PIWIL1: variants seen among roughly 807,000 people sequenced by gnomAD.
PIWIL1 encodes piwi-like protein 1.
PIWIL1 carries 73 observed loss-of-function variants against 114.4 expected under a neutral mutation model. The ratio of observed to expected loss-of-function variants is 0.64; its 90% CI spans 0.53 to 0.78. PIWIL1 has a LOEUF of 0.78. Among genes scored for constraint, PIWIL1 ranks in the 30% least tolerant of loss-of-function variants. The probability of loss-of-function intolerance (pLI) is 0.00; values close to 1 mark genes in which losing one functional copy is unlikely to be tolerated. For missense variants in PIWIL1, 723 were observed against 1,063.1 expected (o/e 0.68, Z 4.45); for synonymous variants, 375 against 369.0 (o/e 1.02, Z -0.19).
In PIWIL1 at chr12:130,343,012, A is replaced by G. The variant is rs767074367; in HGVS notation, c.101A>G (p.Gln34Arg). 1 of 1,614,114 alleles carries G rather than the reference A, an allele frequency of 6.2e-7. No individual in the cohort carries two copies. Among genetic ancestry groups the G allele is most frequent in the Non-Finnish European group, 8.5e-7 (1 of 1,179,940 alleles). ...STASQQPGYI[Q>R]PRPQPPPAEG... is the part of the protein sequence containing the mutation. ...CAGAGTCAGCAACCTGGTTATATTCAGCCTAGGCCTCAGCCGCCACCAGCA... is the reference window on the plus strand; with the variant it reads ...CAGAGTCAGCAACCTGGTTATATTCGGCCTAGGCCTCAGCCGCCACCAGCA... Residue 34 changes from glutamine (Q) to arginine (R), a missense_variant, in exon 3 of 21, where the codon CAG becomes CGG. By Grantham distance (43) the Gln-to-Arg change is conservative. Transcript: ENST00000245255.
At chr12:130,423,424 A>G in the PIWIL1 span, among the ~76,000 whole-genome samples, 1 of 152,218 alleles carries the variant, frequency 6.6e-6, no homozygotes, top group Non-Finnish European at 1.5e-5. Context: ...CGCCATGTGG[A>G]TGGCTCACCT....
chr12:130,419,278 C>A, the PIWIL1 span, among the ~76,000 whole-genome samples: 1 of 152,146 alleles, frequency 6.6e-6, no homozygotes, highest in African/African-American at 2.4e-5. This position sits in a 1 kb window ranked among gnomAD's most constrained non-coding sequence, Gnocchi z 4.3. Flanking sequence ...TGCCTCCCAT[C>A]CTGCTGAGGA....
chr12:130,365,835 G>A (rs1361980520), intron 18 of PIWIL1, among the ~76,000 whole-genome samples: 1 of 152,214 alleles, frequency 6.6e-6, no homozygotes, highest in African/African-American at 2.4e-5. Context: ...TCTGTAAGTG[G>A]CAGAGGCATT....
At chr12:130,373,094 G>C (rs1045988557), downstream of PIWIL1, among the ~76,000 whole-genome samples, 4 of 152,112 alleles carry the variant, frequency 2.6e-5, no homozygotes, top group Admixed American at 2.0e-4. Context: ...AATAATTGTT[G>C]TTAACATTGT....
chr12:130,358,617 C>T (rs892246453), intron 14 of PIWIL1, among the ~76,000 whole-genome samples: 3 of 152,098 alleles, frequency 2.0e-5, no homozygotes, highest in Admixed American at 6.5e-5. Flanking sequence ...TCAAACTCAG[C>T]GAGTCTGAGT....
chr12:130,360,468 A>G (rs936294826), intron 14 of PIWIL1, among the ~76,000 whole-genome samples: 1 of 152,138 alleles, frequency 6.6e-6, no homozygotes, highest in Non-Finnish European at 1.5e-5. Context: ...CCCCATCTCT[A>G]CTAAAAATAC....
chr12:130,343,040 G>A lies in PIWIL1; in HGVS notation c.129G>A (p.Glu43=). Residue 43 remains glutamate (E), a synonymous_variant, in exon 3 of 21, where the codon GAG becomes GAA. Coordinates refer to ENST00000245255, the MANE Select transcript of PIWIL1 (RefSeq NM_004764.5). ...CTAGGCCTCAGCCGCCACCAGCAGA[G>A]GGGGAATTATTTGGCCGTGGACGGC... is the stretch of plus-strand genomic sequence containing the variant. ...IQPRPQPPPA[E]GELFGRGRQR... is the part of the protein sequence containing the mutation. 6.2e-7 allele frequency: 1 copy of A among 1,614,124 alleles called. No individual in the cohort carries two copies. Among genetic ancestry groups the A allele is most frequent in the Non-Finnish European group, 8.5e-7 (1 of 1,179,990 alleles).
chr12:130,354,577 TG>T lies in PIWIL1; in HGVS notation c.1087del (p.Val363SerfsTer30), dbSNP rs2073310946. ...QEITDLKQPV[L>X]VSQPKRRRGP... ...ATCACCGACTTGAAGCAGCCTGTCTTGGTCAGCCAGCCCAAGAGAAGGCGGG... is the reference window on the plus strand; with the variant it reads ...ATCACCGACTTGAAGCAGCCTGTCTTGTCAGCCAGCCCAAGAGAAGGCGGG... On this transcript the variant is annotated frameshift_variant, in exon 10 of 21. Coordinates refer to ENST00000245255, the MANE Select transcript of PIWIL1 (RefSeq NM_004764.5). LOFTEE classifies it high-confidence loss of function. The T allele has an allele frequency of 6.2e-7, 1 of 1,613,968 alleles. No homozygotes were observed. Among genetic ancestry groups the T allele is most frequent in the African/African-American group, 1.3e-5 (1 of 74,928 alleles).
At chr12:130,369,769 T>C (rs1033571751) in intron 19 of PIWIL1, among the ~76,000 whole-genome samples, 9 of 152,232 alleles carry the variant, frequency 5.9e-5, no homozygotes, top group African/African-American at 2.2e-4. Context: ...AAGTTCCTTG[T>C]AGATTCTGGA....
At chr12:130,368,207 CTG>C (rs1449280259) in intron 19 of PIWIL1, among the ~76,000 whole-genome samples, 7 of 152,294 alleles carry the variant, frequency 4.6e-5, no homozygotes, top group East Asian at 1.9e-4. Flanking sequence ...TAAGTTGACA[CTG>C]TACTCAGGAC....
Position 130,357,105 on chromosome 12 carries a change from T to C in PIWIL1, c.1592T>C (p.Met531Thr), listed in dbSNP as rs778202611. Reference protein sequence around the residue: ...AMGMQMRKAIMIEVDDRTEAY... With the variant: ...AMGMQMRKAITIEVDDRTEAY... Reference sequence around the variant, plus strand: ...GGCATGCAAATGAGAAAAGCAATAATGTAAGTTAATCAAGTCATTTCTGCT... The same window carrying C: ...GGCATGCAAATGAGAAAAGCAATAACGTAAGTTAATCAAGTCATTTCTGCT... The change falls in exon 13 of 21, where the codon ATG becomes ACG. Residue 531 changes from methionine to threonine, a missense_variant and splice_region_variant. Around this residue, in one of 8 missense-constraint regions of PIWIL1, gnomAD observed 298 missense variants for 420.8 expected, o/e 0.71. Transcript: ENST00000245255. 1 of 1,605,768 alleles carries C rather than the reference T, an allele frequency of 6.2e-7. No individual in the cohort carries two copies. Among genetic ancestry groups the C allele is most frequent in the South Asian group, 1.1e-5 (1 of 90,332 alleles).
intron 19 of PIWIL1, among the ~76,000 whole-genome samples, chr12:130,369,060 C>T (rs541444464): frequency 1.1e-4 from 17 of 152,258 alleles, no homozygotes; most frequent in East Asian, 7.7e-4. Flanking sequence ...TCCTTACCCC[C>T]CAACAGGCCC....
chr12:130,385,881 T>C, the PIWIL1 span, among the ~76,000 whole-genome samples: 1 of 152,214 alleles, frequency 6.6e-6, no homozygotes, highest in Non-Finnish European at 1.5e-5. Flanking sequence ...AAAGTCATGC[T>C]CTTTTTACCA....
chr12:130,407,718 G>C, the PIWIL1 span: 1 of 1,609,030 alleles, frequency 6.2e-7, no homozygotes, highest in African/African-American at 1.3e-5. Context: ...GCAGTGTTTG[G>C]CTGGTACCTC....
At chr12:130,386,267 C>G in the PIWIL1 span, among the ~76,000 whole-genome samples, 6 of 151,904 alleles carry the variant, frequency 3.9e-5, no homozygotes, top group Non-Finnish European at 5.9e-5. Context: ...TATCATTGAC[C>G]CCTGCATATC....
chr12:130,411,485 A>G, the PIWIL1 span, among the ~76,000 whole-genome samples: 117,083 of 152,074 alleles, frequency 0.77, 45,232 homozygotes, highest in South Asian at 0.9. Context: ...GTTTCTGGCA[A>G]TGCGGCAGGG....
intron 12 of PIWIL1, among the ~76,000 whole-genome samples, chr12:130,356,285 A>ATT (rs200936813): frequency 0.01 from 1,485 of 141,744 alleles, 13 homozygotes; most frequent in East Asian, 0.054. Context: ...CAACATTTTC[A>ATT]TTTTTTTTTT....
chr12:130,362,853 G>T lies in PIWIL1; in HGVS notation c.2041+17G>T. The T allele has an allele frequency of 6.2e-7, 1 of 1,613,218 alleles. No homozygotes were observed. Reference sequence around the variant, plus strand: ...GCCTGCAAGGTTAGTCACCTGTGGGGTTGCCATTCTACTCTCTAAACTGGG... The same window carrying T: ...GCCTGCAAGGTTAGTCACCTGTGGGTTTGCCATTCTACTCTCTAAACTGGG... On this transcript the variant is annotated intron_variant, in intron 17 of 20. Coordinates refer to ENST00000245255, the MANE Select transcript of PIWIL1 (RefSeq NM_004764.5).
intron 12 of PIWIL1, among the ~76,000 whole-genome samples, chr12:130,355,986 G>A (rs1319543509): frequency 6.6e-6 from 1 of 152,088 alleles, no homozygotes; most frequent in African/African-American, 2.4e-5. Context: ...CCTAGAGAAT[G>A]TGGAGCCTGT....
Sources: allele counts gnomAD v4.1 joint callset (sites outside exome capture counted in the v4.1 genomes callset), GRCh38; gene constraint gnomAD v4.1.1; regional missense constraint gnomAD v4.1.1; non-coding constraint Gnocchi (gnomAD v3.1); transcripts MANE v1.5; gene names NCBI Gene and HGNC (gene_info 2026-07-23, HGNC 2026-07-21).